The following RBPJ variants were observed in gnomAD, a reference collection of about 807,000 sequenced individuals.
The protein encoded by RBPJ is recombination signal binding protein for immunoglobulin kappa J region, also known as recombining binding protein suppressor of hairless.
RBPJ carries 9 observed loss-of-function variants against 67.8 expected under a neutral mutation model. The ratio of observed to expected loss-of-function variants is 0.13; its 90% CI spans 0.08 to 0.23. The LOEUF is 0.23. Ranked by LOEUF, RBPJ falls within the 10% of genes least tolerant of loss-of-function variation. RBPJ has a pLI of 1.00. For synonymous variants in RBPJ, 198 were observed against 203.3 expected, an observed-to-expected ratio of 0.97 and a Z score of 0.22; for missense variants, 305 against 595.6, an observed-to-expected ratio of 0.51 and a Z score of 5.08.
At chr4:26,151,503 G>A in the RBPJ span, among the ~76,000 whole-genome samples, 242 of 152,210 alleles carry the variant, frequency 1.6e-3, 2 homozygotes, top group Non-Finnish European at 2.8e-3. Flanking sequence ...AAACTGTTGT[G>A]GAATAGTGTT....
At chr4:26,318,564 C>T (rs190159122), upstream of RBPJ, among the ~76,000 whole-genome samples, 415 of 152,228 alleles carry the variant, frequency 2.7e-3, 3 homozygotes, top group African/African-American at 9.6e-3. Flanking sequence ...AAGAGACTGA[C>T]AAGAAATTTT....
chr4:26,117,813 G>A, the RBPJ span, among the ~76,000 whole-genome samples: 4 of 152,084 alleles, frequency 2.6e-5, no homozygotes, highest in Non-Finnish European at 4.4e-5. Flanking sequence ...AACACTATTA[G>A]CACTTAAAAT....
the RBPJ span, among the ~76,000 whole-genome samples, chr4:26,135,932 G>A: frequency 6.6e-6 from 1 of 152,320 alleles, no homozygotes; most frequent in Middle Eastern, 3.4e-3. Flanking sequence ...ACCTGAGACT[G>A]TAAAAGGTAT....
the RBPJ span, among the ~76,000 whole-genome samples, chr4:26,129,791 A>G: frequency 6.6e-6 from 1 of 152,228 alleles, no homozygotes; most frequent in South Asian, 2.1e-4. Context: ...TGGTCTATCT[A>G]GGATGGAGGT....
chr4:26,370,932 T>G (rs932328080), intron 1 of RBPJ, among the ~76,000 whole-genome samples: 2 of 151,668 alleles, frequency 1.3e-5, no homozygotes, highest in African/African-American at 2.4e-5. Context: ...TACAAAAAAT[T>G]AGCCGGGCGT....
chr4:26,137,455 C>T, the RBPJ span, among the ~76,000 whole-genome samples: 1 of 152,202 alleles, frequency 6.6e-6, no homozygotes, highest in Non-Finnish European at 1.5e-5. Context: ...GATGACACTG[C>T]TTTGTGACCT....
At chr4:26,245,450 AC>A (rs1282688076) in intron 1 of RBPJ, among the ~76,000 whole-genome samples, 2 of 151,996 alleles carry the variant, frequency 1.3e-5, no homozygotes, top group Admixed American at 1.3e-4. Context: ...CTTGTGGTCC[AC>A]CTGCCTCAGA....
rs374526425 is a variant in RBPJ, at chr4:26,244,557, ATTG to A, written c.-167+80946_-167+80948del. The stretch of plus-strand genomic sequence containing the variant: ...TACTGCTAAATGTAAATGGTTTCTT[ATTG>A]TTATTTTATATGACTATATTTTAAA... On this transcript the variant is annotated intron_variant, in intron 1 of 4. Transcript: ENST00000512351. Among the ~76,000 whole-genome samples the A allele has an allele frequency of 4.0e-3, 611 of 151,502 alleles. 3 individuals carry two copies. The highest frequency in any genetic ancestry group is 6.9e-3 in the Non-Finnish European group (468 of 67,942).
At chr4:26,244,497 G>A (rs1163361503) in intron 1 of RBPJ, among the ~76,000 whole-genome samples, 1 of 146,644 alleles carries the variant, frequency 6.8e-6, no homozygotes, top group Non-Finnish European at 1.5e-5. Flanking sequence ...ACATATATGT[G>A]TGTATATATG....
chr4:26,395,275 A>G (rs1005106653), intron 2 of RBPJ, among the ~76,000 whole-genome samples: 3 of 152,022 alleles, frequency 2.0e-5, no homozygotes, highest in Admixed American at 6.6e-5. Flanking sequence ...TGGGCAGCAT[A>G]GGGAGAATTA....
In RBPJ at chr4:26,386,925, G is replaced by A. The variant is rs999011672; in HGVS notation, c.59+534G>A. 1.1e-4 allele frequency among the ~76,000 whole-genome samples: 16 copies of A among 151,928 alleles called. 1 individual carries two copies. The highest frequency in any genetic ancestry group is 3.9e-4 in the African/African-American group (16 of 41,340). On this transcript the variant is annotated intron_variant, in intron 2 of 10. Coordinates refer to ENST00000355476, the MANE Select transcript of RBPJ (RefSeq NM_015874.6). Reference sequence around the variant, plus strand: ...TAAAATAAAGAGACCTAGTTCTATGGCCATGTCCTAGAGTCAGTGCAAACC... The same window carrying A: ...TAAAATAAAGAGACCTAGTTCTATGACCATGTCCTAGAGTCAGTGCAAACC...
intron 1 of RBPJ, among the ~76,000 whole-genome samples, chr4:26,339,037 T>C (rs143282552): frequency 0.024 from 3,719 of 151,842 alleles, 133 homozygotes; most frequent in African/African-American, 0.074. Context: ...CCCAGGCTGG[T>C]CTGGACCTCC....
chr4:26,151,327 G>A, the RBPJ span, among the ~76,000 whole-genome samples: 1 of 152,162 alleles, frequency 6.6e-6, no homozygotes, highest in African/African-American at 2.4e-5. Flanking sequence ...GAACACCCAA[G>A]TAATCTAACT....
In RBPJ at chr4:26,389,491, T is replaced by C. The variant is rs533099131; in HGVS notation, c.59+3100T>C. Among the ~76,000 whole-genome samples, 5 of 149,434 alleles carry C rather than the reference T, an allele frequency of 3.3e-5. No individual in the cohort carries two copies. In the South Asian group the frequency reaches 1.1e-3, roughly 33 times the overall value. On this transcript the variant is annotated intron_variant, in intron 2 of 10. Coordinates refer to ENST00000355476, the MANE Select transcript of RBPJ (RefSeq NM_015874.6). ...CAGTAGATATATACCGTTTTAGGCATATTAAAAATTGAAAGAATTTATTGC... is the reference window on the plus strand; with the variant it reads ...CAGTAGATATATACCGTTTTAGGCACATTAAAAATTGAAAGAATTTATTGC...
chr4:26,177,427 A>C (rs558893011), intron 1 of RBPJ, among the ~76,000 whole-genome samples: 1 of 152,260 alleles, frequency 6.6e-6, no homozygotes, highest in East Asian at 1.9e-4. Flanking sequence ...AATACAAAAA[A>C]TTAGCTGGGC....
intron 1 of RBPJ, among the ~76,000 whole-genome samples, chr4:26,171,544 C>G (rs975837181): frequency 4.6e-5 from 7 of 152,118 alleles, no homozygotes; most frequent in African/African-American, 1.7e-4. Context: ...GCCTGGGTGA[C>G]AGAGTGAGAC....
At chr4:26,271,748 C>T (rs996135315) in intron 1 of RBPJ, among the ~76,000 whole-genome samples, 4 of 152,084 alleles carry the variant, frequency 2.6e-5, no homozygotes, top group African/African-American at 9.7e-5. Context: ...CATCTAAGAC[C>T]TCGCCTTCTA....
the RBPJ span, among the ~76,000 whole-genome samples, chr4:26,129,923 G>A: frequency 2.0e-5 from 3 of 152,086 alleles, no homozygotes; most frequent in East Asian, 1.9e-4. Flanking sequence ...GTGCAGCAGC[G>A]CCATCTCAGC....
Position 26,211,390 on chromosome 4 carries a change from T to C in RBPJ, c.-167+47776T>C, listed in dbSNP as rs537857546. ...GTATTAGAGAGGAACTGAGTTTCTC[T>C]GGGGAGAAAATAGATATTTACACAA... On this transcript the variant is annotated intron_variant, in intron 1 of 4. Coordinates refer to the RBPJ transcript ENST00000512351. Among the ~76,000 whole-genome samples, 3 of 152,324 alleles carry C rather than the reference T, an allele frequency of 2.0e-5. No individual in the cohort carries two copies. The East Asian group carries it at 5.8e-4, about 29-fold the overall frequency.
Sources: allele counts gnomAD v4.1 joint callset (sites outside exome capture counted in the v4.1 genomes callset), GRCh38; gene constraint gnomAD v4.1.1; transcripts MANE v1.5; gene names NCBI Gene and HGNC (gene_info 2026-07-23, HGNC 2026-07-21).